CIBAR2: variants seen among roughly 807,000 people sequenced by gnomAD.
CIBAR2 encodes CBY1 interacting BAR domain containing 2.
Under a neutral mutation model 36.2 loss-of-function variants are expected in CIBAR2, and 38 were observed. The ratio of observed to expected loss-of-function variants is 1.05; its 90% CI spans 0.81 to 1.38. The LOEUF is 1.38. Among genes scored for constraint, CIBAR2 ranks in the 40% most tolerant of loss-of-function variants. CIBAR2 has a pLI of 0.00. For synonymous variants in CIBAR2, 182 were observed against 149.5 expected, an observed-to-expected ratio of 1.22 and a Z score of -1.58; for missense variants, 481 against 383.4, an observed-to-expected ratio of 1.25 and a Z score of -2.13.
At chr16:85,104,126 A>T (rs1406842978) in intron 6 of CIBAR2, among the ~76,000 whole-genome samples, 1 of 152,258 alleles carries the variant, frequency 6.6e-6, no homozygotes, top group Non-Finnish European at 1.5e-5. Flanking sequence ...GGGTGTATAA[A>T]CAAGGGGCCT....
chr16:85,106,975 G>A (rs1466245697), intron 5 of CIBAR2, among the ~76,000 whole-genome samples: 2 of 152,064 alleles, frequency 1.3e-5, no homozygotes, highest in Non-Finnish European at 2.9e-5. Context: ...GCAAAACCCC[G>A]TCTCTGCTAA....
chr16:85,100,159 G>A lies in CIBAR2; in HGVS notation c.733C>T (p.Leu245Phe), dbSNP rs2073944077. 1.2e-6 allele frequency: 2 copies of A among 1,611,002 alleles called. No homozygotes were observed. Among genetic ancestry groups the A allele is most frequent in the African/African-American group, 1.3e-5 (1 of 75,008 alleles). Reference sequence around the variant, plus strand: ...CTCACCTGGCTGGCGAGAGACTGAAGAACAGATGGAGGGGGGCTGGTGTTG... The same window carrying A: ...CTCACCTGGCTGGCGAGAGACTGAAAAACAGATGGAGGGGGGCTGGTGTTG... ...LANTSPPPSV[L>F]QSLASQGTLQ... The change falls in exon 8 of 9, where the codon CTT (leucine) becomes TTT (phenylalanine). Residue 245 changes from leucine (L) to phenylalanine (F), a missense_variant. Coordinates refer to ENST00000539556, the MANE Select transcript of CIBAR2 (RefSeq NM_198491.3).
chr16:85,108,079 C>T lies in CIBAR2; in HGVS notation c.276G>A (p.Lys92=). ...RQAQVERLET[K]VVNPLKLYGA... ...CGTAGAGCTTCAGGGGGTTGACCAC[C>T]TTGGTCTCCAGCCTCTCGACCTGGG... The change falls in exon 3 of 9, where the codon AAG becomes AAA. Residue 92 remains lysine, a synonymous_variant. Transcript: ENST00000539556. 1.2e-6 allele frequency: 2 copies of T among 1,612,652 alleles called. No individual in the cohort carries two copies. The highest frequency in any genetic ancestry group is 1.7e-6 in the Non-Finnish European group (2 of 1,179,102).
chr16:85,103,493 A>G (rs1465030145), intron 6 of CIBAR2, among the ~76,000 whole-genome samples: 1 of 152,180 alleles, frequency 6.6e-6, no homozygotes, highest in African/African-American at 2.4e-5. Flanking sequence ...TCTCTTACAA[A>G]TTTAATCCCA....
intron 6 of CIBAR2, among the ~76,000 whole-genome samples, chr16:85,104,257 T>C (rs1209467971): frequency 1.3e-5 from 2 of 152,162 alleles, no homozygotes; most frequent in Non-Finnish European, 2.9e-5. Flanking sequence ...AGGAATGGGC[T>C]CTGTGCACTG....
In CIBAR2 at chr16:85,100,132, C is replaced by A; in HGVS notation, c.753+7G>T. On this transcript the variant is annotated splice_region_variant and intron_variant, in intron 8 of 8. Coordinates refer to ENST00000539556, the MANE Select transcript of CIBAR2 (RefSeq NM_198491.3). ...AGGTGTAACCCCTCACCCACCCACA[C>A]GCTCACCTGGCTGGCGAGAGACTGA... The A allele has an allele frequency of 6.2e-7, 1 of 1,606,936 alleles. No individual in the cohort carries two copies. Among genetic ancestry groups the A allele is most frequent in the Non-Finnish European group, 8.5e-7 (1 of 1,176,538 alleles).
At position 85,099,180 on chromosome 16, in the gene CIBAR2, C is replaced by T. The variant is rs775691959; in HGVS notation, c.*5G>A. 42 of 1,554,996 alleles carry T rather than the reference C, an allele frequency of 2.7e-5. No individual in the cohort carries two copies. Among genetic ancestry groups the T allele is most frequent in the Middle Eastern group, 3.4e-4 (2 of 5,798 alleles). On this transcript the variant is annotated 3_prime_UTR_variant, in exon 9 of 9. Coordinates refer to ENST00000539556, the MANE Select transcript of CIBAR2 (RefSeq NM_198491.3). The stretch of plus-strand genomic sequence containing the variant: ...ACGGCTTGGGATTGCACTTACCCTA[C>T]GTCGTTAGAGAGAATGTCCTGGAAG...
intron 8 of CIBAR2, 41 bp from the exon 9 acceptor site, chr16:85,099,387 G>T (rs1436070232): frequency 9.8e-6 from 11 of 1,122,916 alleles, no homozygotes; most frequent in Middle Eastern, 1.9e-4. Context: ...GCCTTCCTGG[G>T]GCTGTAAGGT....
intron 5 of CIBAR2, among the ~76,000 whole-genome samples, chr16:85,105,815 A>C (rs1183146932): frequency 1.3e-5 from 2 of 152,216 alleles, no homozygotes; most frequent in Non-Finnish European, 2.9e-5. Flanking sequence ...TTTCTGCATG[A>C]GGAACACATT....
intron 6 of CIBAR2, among the ~76,000 whole-genome samples, chr16:85,104,967 G>T (rs2073984128): frequency 6.6e-6 from 1 of 152,140 alleles, no homozygotes; most frequent in Admixed American, 6.5e-5. Flanking sequence ...TCAGGGAGGG[G>T]GTTTAGAGCT....
chr16:85,103,068 A>G (rs2073968459), intron 6 of CIBAR2, among the ~76,000 whole-genome samples: 1 of 152,018 alleles, frequency 6.6e-6, no homozygotes, highest in Non-Finnish European at 1.5e-5. Flanking sequence ...CGCCTGGCTA[A>G]TTTTTGTATT....
At chr16:85,107,305 G>T (rs1882339052) in intron 5 of CIBAR2, among the ~76,000 whole-genome samples, 1 of 152,076 alleles carries the variant, frequency 6.6e-6, no homozygotes, top group Non-Finnish European at 1.5e-5. Flanking sequence ...CAGACAGCAT[G>T]CGGGGTCCCT....
At position 85,111,108 on chromosome 16, in the gene CIBAR2, C is replaced by T. The variant is rs77594238; in HGVS notation, c.21-648G>A. On this transcript the variant is annotated intron_variant, in intron 1 of 8. Transcript: ENST00000539556. Reference sequence around the variant, plus strand: ...TCTACGACAGCCAGGGAGGCCTGGCCTCTCCTGGGCCTCCTCACGCCCTCT... The same window carrying T: ...TCTACGACAGCCAGGGAGGCCTGGCTTCTCCTGGGCCTCCTCACGCCCTCT... Among the ~76,000 whole-genome samples, 166 of 152,162 alleles carry T rather than the reference C, an allele frequency of 1.1e-3. 2 individuals carry two copies. The highest frequency in any genetic ancestry group is 3.5e-3 in the African/African-American group (144 of 41,516).
chr16:85,103,706 A>G (rs190339927), intron 6 of CIBAR2, among the ~76,000 whole-genome samples: 13 of 152,312 alleles, frequency 8.5e-5, no homozygotes. Flanking sequence ...TTGTGCATTC[A>G]TTCATGCAGG....
intron 2 of CIBAR2, 137 bp from the exon 3 acceptor site, chr16:85,108,236 C>T (rs1055704061): frequency 2.6e-6 from 2 of 765,478 alleles, no homozygotes; most frequent in South Asian, 1.9e-5. Flanking sequence ...AGGTGCCCTC[C>T]CTTTTCCCGG....
At chr16:85,108,815 C>T (rs907320185) in intron 2 of CIBAR2, among the ~76,000 whole-genome samples, 1 of 152,158 alleles carries the variant, frequency 6.6e-6, no homozygotes, top group African/African-American at 2.4e-5. Context: ...CTGGAGGTTG[C>T]AGTGAGCTGA....
At chr16:85,103,921 C>A (rs1207856814) in intron 6 of CIBAR2, among the ~76,000 whole-genome samples, 1 of 152,192 alleles carries the variant, frequency 6.6e-6, no homozygotes, top group Non-Finnish European at 1.5e-5. Context: ...CCACATGATC[C>A]GTCCATCTCC....
chr16:85,099,014 C>T lies in CIBAR2; in HGVS notation c.*171G>A. On this transcript the variant is annotated 3_prime_UTR_variant, in exon 9 of 9. Transcript: ENST00000539556. ...AAATGCAAAATGCTCTGGAAAGTCT[C>T]AGCAACAGAATTGAACAAGTAGAAG... The T allele has an allele frequency of 1.4e-6, 1 of 728,256 alleles. No individual in the cohort carries two copies. The highest frequency in any genetic ancestry group is 2.0e-6 in the Non-Finnish European group (1 of 500,874). 45.1% of individuals were successfully genotyped at this position (728,256 alleles called of 1,614,324 possible). A position where few individuals can be genotyped will look rare whatever the true frequency, so the allele number is the denominator to read the frequency against.
intron 5 of CIBAR2, 80 bp from the exon 6 acceptor site, chr16:85,105,511 T>C: frequency 9.9e-7 from 1 of 1,009,432 alleles, no homozygotes; most frequent in South Asian, 1.4e-5. Context: ...TCACTCTGTC[T>C]CTAAACCCTT....
Sources: allele counts gnomAD v4.1 joint callset (sites outside exome capture counted in the v4.1 genomes callset), GRCh38; gene constraint gnomAD v4.1.1; transcripts MANE v1.5; gene names NCBI Gene and HGNC (gene_info 2026-07-23, HGNC 2026-07-21).